Variants in AKT3 observed in about 807,000 individuals in gnomAD.
The protein encoded by AKT3 is AKT serine/threonine kinase 3, also known as RAC-gamma serine/threonine-protein kinase.
In AKT3, 15 loss-of-function variants were observed where a neutral mutation model predicts 65.3. The ratio of observed to expected loss-of-function variants is 0.23; its 90% CI spans 0.15 to 0.35. The LOEUF (loss-of-function observed/expected upper bound fraction) is 0.35. Ranked by LOEUF, AKT3 falls within the 10% of genes least tolerant of loss-of-function variation. AKT3 has a pLI of 1.00. For synonymous variants in AKT3, 206 were observed against 183.8 expected (o/e 1.12, Z -0.98); for missense variants, 243 against 576.5 (o/e 0.42, Z 5.92).
At chr1:243,563,027 G>A (rs947607491) in intron 10 of AKT3, among the ~76,000 whole-genome samples, 48 of 151,996 alleles carry the variant, frequency 3.2e-4, no homozygotes, top group African/African-American at 1.0e-3. Context: ...TTGTTTGTTT[G>A]TTTATGAAAC....
chr1:243,801,474 T>C (rs1316288332), intron 2 of AKT3, among the ~76,000 whole-genome samples: 2 of 152,194 alleles, frequency 1.3e-5, no homozygotes, highest in African/African-American at 2.4e-5. Flanking sequence ...GTAATAAAAA[T>C]CTTTTCAGGG....
chr1:243,744,759 A>ATT (rs1688378822), intron 2 of AKT3, among the ~76,000 whole-genome samples: 1 of 150,966 alleles, frequency 6.6e-6, no homozygotes, highest in African/African-American at 2.4e-5. Context: ...AAAAAAAAAA[A>ATT]ATTATTATAC....
intron 2 of AKT3, among the ~76,000 whole-genome samples, chr1:243,772,835 C>T (rs1329152925): frequency 6.6e-6 from 1 of 152,078 alleles, no homozygotes. Context: ...GGCACATATA[C>T]ACCATGGAAT....
chr1:243,700,509 T>TA (rs1685381308), intron 2 of AKT3, among the ~76,000 whole-genome samples: 1 of 150,612 alleles, frequency 6.6e-6, no homozygotes. Flanking sequence ...TTAGTCTATT[T>TA]TTTTTTTTTT....
chr1:243,498,105 G>A (rs1219292820), downstream of AKT3, among the ~76,000 whole-genome samples: 2 of 152,214 alleles, frequency 1.3e-5, no homozygotes, highest in Non-Finnish European at 2.9e-5. Context: ...CCTGCCTTAT[G>A]TGGCCAATCC....
intron 2 of AKT3, among the ~76,000 whole-genome samples, chr1:243,717,787 C>A (rs1335966536): frequency 6.6e-6 from 1 of 152,160 alleles, no homozygotes; most frequent in African/African-American, 2.4e-5. Context: ...GGTGATTTTA[C>A]AGATTAGGAA....
downstream of AKT3, among the ~76,000 whole-genome samples, chr1:243,498,519 TCTAA>T (rs200884827): frequency 6.6e-6 from 1 of 152,282 alleles, no homozygotes; most frequent in Admixed American, 6.5e-5. Context: ...CCCCACCTAC[TCTAA>T]CTACCCTGCT....
rs1245422783 is a variant in AKT3, at chr1:243,806,032, AGCAT to A, written c.46+37089_46+37092del. Among the ~76,000 whole-genome samples the A allele has an allele frequency of 2.6e-5, 4 of 152,206 alleles. No individual in the cohort carries two copies. In the East Asian group the frequency reaches 7.7e-4, roughly 29 times the overall value. On this transcript the variant is annotated intron_variant, in intron 2 of 13. Coordinates refer to ENST00000673466, the MANE Select transcript of AKT3 (RefSeq NM_005465.7). ...CATGGCATGCACACACACACTCCTC[AGCAT>A]GCTTCCTATTTTCTATTGCCTAGAA...
intron 12 of AKT3, among the ~76,000 whole-genome samples, chr1:243,521,914 G>T (rs1290222339): frequency 6.6e-6 from 1 of 152,096 alleles, no homozygotes; most frequent in Non-Finnish European, 1.5e-5. Context: ...AACTTCATAA[G>T]CACTCATCCT....
intron 2 of AKT3, among the ~76,000 whole-genome samples, chr1:243,823,742 T>A (rs1438427530): frequency 6.6e-6 from 1 of 151,988 alleles, no homozygotes; most frequent in Non-Finnish European, 1.5e-5. Context: ...CAAGGAGAAC[T>A]CAAGGAAATC....
intron 2 of AKT3, among the ~76,000 whole-genome samples, chr1:243,780,863 T>C (rs1690864771): frequency 6.6e-6 from 1 of 151,844 alleles, no homozygotes; most frequent in Non-Finnish European, 1.5e-5. Flanking sequence ...AGTGAAAAAT[T>C]TTAAGAACAC....
At position 243,579,254 on chromosome 1, in the gene AKT3, T is replaced by C. The variant is rs553844285; in HGVS notation, c.697-6206A>G. ...TTGATAACACAGCTTTGCAAGTTCA[T>C]GAAGGTAGATATGGGAATCATTCAT... On this transcript the variant is annotated intron_variant, in intron 8 of 13. Transcript: ENST00000673466. Among the ~76,000 whole-genome samples, 4 of 152,280 alleles carry C rather than the reference T, an allele frequency of 2.6e-5. No homozygotes were observed. In the South Asian group the frequency reaches 8.3e-4, roughly 32 times the overall value.
intron 2 of AKT3, among the ~76,000 whole-genome samples, chr1:243,752,982 T>A (rs993899922): frequency 6.6e-6 from 1 of 152,184 alleles, no homozygotes; most frequent in African/African-American, 2.4e-5. Flanking sequence ...CCTTTCCCAA[T>A]ACATAGTCTT....
intron 2 of AKT3, among the ~76,000 whole-genome samples, chr1:243,816,086 G>C (rs190761418): frequency 1.3e-5 from 2 of 152,268 alleles, no homozygotes; most frequent in Admixed American, 1.3e-4. Context: ...GTAGTCATCA[G>C]AAGACCCTAC....
In AKT3 at chr1:243,524,611, T is replaced by G. The variant is rs138339432; in HGVS notation, c.1252-12185A>C. On this transcript the variant is annotated intron_variant, in intron 12 of 13. Coordinates refer to ENST00000673466, the MANE Select transcript of AKT3 (RefSeq NM_005465.7). ...AAATAAGCTCTCTCACACAAGCTCT[T>G]TAGAAGGTTGCACAAACGTGAATCT... is the stretch of plus-strand genomic sequence containing the variant. Among the ~76,000 whole-genome samples, 407 of 152,322 alleles carry G rather than the reference T, an allele frequency of 2.7e-3. 4 individuals carry two copies. Among genetic ancestry groups the G allele is most frequent in the Non-Finnish European group, 2.6e-3 (176 of 68,028 alleles).
chr1:243,654,387 C>T (rs1359398133), intron 4 of AKT3, among the ~76,000 whole-genome samples: 2 of 152,050 alleles, frequency 1.3e-5, no homozygotes, highest in South Asian at 2.1e-4. Context: ...GTTTTTCATT[C>T]CATTCTGTAC....
chr1:243,849,982 C>G, intron 1 of AKT3, 58 bp downstream of exon 1: 1 of 972,676 alleles, frequency 1.0e-6, no homozygotes, highest in Non-Finnish European at 1.2e-6. Flanking sequence ...GGCCCGGGGC[C>G]CGGAGGGAGT....
intron 8 of AKT3, among the ~76,000 whole-genome samples, chr1:243,583,148 T>A (rs1338108530): frequency 2.1e-5 from 3 of 140,300 alleles, no homozygotes; most frequent in Admixed American, 7.2e-5. Context: ...TATATATCTC[T>A]CTCTTCCATG....
At chr1:243,527,898 C>CAAGACTCCATCTCTTAAA (rs1275312401) in intron 12 of AKT3, among the ~76,000 whole-genome samples, 5 of 106,396 alleles carry the variant, frequency 4.7e-5, no homozygotes, top group African/African-American at 2.2e-4. Flanking sequence ...CACACACACA[C>CAAGACTCCATCTCTTAAA]ACACACACAC....
Sources: gnomAD v4.1 joint callset for allele counts (sites outside exome capture counted in the v4.1 genomes callset) on GRCh38, gnomAD v4.1.1 for gene constraint, MANE v1.5 for transcripts, NCBI Gene and HGNC (gene_info 2026-07-23, HGNC 2026-07-21) for gene names.